Variants in NOSTRIN observed in about 807,000 individuals in gnomAD.
The protein encoded by NOSTRIN is nitric oxide synthase trafficking, also known as BM247 homolog.
NOSTRIN carries 63 observed loss-of-function variants against 59.0 expected under a neutral mutation model. That is an observed-to-expected ratio of 1.07 (90% confidence interval 0.87 to 1.32). The LOEUF is 1.32. NOSTRIN is among the 40% of genes most tolerant of loss of function. NOSTRIN has a pLI of 0.00. For synonymous variants in NOSTRIN, 200 were observed against 165.4 expected, an observed-to-expected ratio of 1.21 and a Z score of -1.61; for missense variants, 512 against 473.1, an observed-to-expected ratio of 1.08 and a Z score of -0.76.
chr2:168,802,451 A>G (rs1229158804), upstream of NOSTRIN: 1 of 564,168 alleles, frequency 1.8e-6, no homozygotes, highest in Non-Finnish European at 3.3e-6. Context: ...GTCTTGACCC[A>G]GAGCAGTTCT....
upstream of NOSTRIN, among the ~76,000 whole-genome samples, chr2:168,794,413 A>G (rs1441892951): frequency 2.7e-5 from 4 of 147,308 alleles, no homozygotes; most frequent in South Asian, 2.1e-4. Flanking sequence ...GTGCAGTGGC[A>G]CGATCTCAGC....
intron 5 of NOSTRIN, among the ~76,000 whole-genome samples, chr2:168,830,881 C>T (rs544356946): frequency 1.3e-5 from 2 of 152,238 alleles, no homozygotes; most frequent in East Asian, 3.9e-4. Context: ...CATGCAAGGG[C>T]CTGTTACACA....
chr2:168,860,574 G>T (rs1221023969), intron 13 of NOSTRIN, among the ~76,000 whole-genome samples: 1 of 152,100 alleles, frequency 6.6e-6, no homozygotes, highest in African/African-American at 2.4e-5. Flanking sequence ...GGGAGGCTGA[G>T]GCAGGAGAAT....
Position 168,843,117 on chromosome 2 carries a change from G to A in NOSTRIN, c.630G>A (p.Gln210=), listed in dbSNP as rs548832779. Residue 210 remains glutamine, a splice_region_variant and synonymous_variant, in exon 8 of 16, where the codon CAG becomes CAA. Coordinates refer to ENST00000317647, the MANE Select transcript of NOSTRIN (RefSeq NM_001039724.4). ...KWENTLENCY[Q]SILELEKERI... The stretch of plus-strand genomic sequence containing the variant: ...AAAACACACTAGAGAACTGCTACCA[G>A]GTAAGTTATATATTCACATTTTTTT... 18 of 868,606 alleles carry A rather than the reference G, an allele frequency of 2.1e-5. No individual in the cohort carries two copies. In the South Asian group the frequency reaches 2.2e-4, roughly 11 times the overall value. 53.8% of individuals were successfully genotyped at this position (868,606 alleles called of 1,614,324 possible).
intron 8 of NOSTRIN, among the ~76,000 whole-genome samples, chr2:168,844,528 A>T (rs894540954): frequency 1.3e-5 from 2 of 152,166 alleles, no homozygotes; most frequent in African/African-American, 2.4e-5. Context: ...TTTTGTATTA[A>T]TCATGACATT....
At chr2:168,789,461 C>T (rs111935346) in intron 2 of NOSTRIN, among the ~76,000 whole-genome samples, 8 of 152,178 alleles carry the variant, frequency 5.3e-5, no homozygotes, top group African/African-American at 1.9e-4. Context: ...GAGACTTATT[C>T]ACTGTCATGA....
At chr2:168,849,782 T>C (rs1688643801) in intron 8 of NOSTRIN, among the ~76,000 whole-genome samples, 1 of 151,704 alleles carries the variant, frequency 6.6e-6, no homozygotes, top group Non-Finnish European at 1.5e-5. Flanking sequence ...TGCCCCCACA[T>C]GGCCTTGGAG....
chr2:168,842,465 T>C (rs1243040519), intron 7 of NOSTRIN, among the ~76,000 whole-genome samples: 1 of 152,222 alleles, frequency 6.6e-6, no homozygotes, highest in African/African-American at 2.4e-5. Flanking sequence ...GGAAGTTTGA[T>C]TCCAAAGCTC....
At chr2:168,794,462 C>T (rs1273527697), upstream of NOSTRIN, among the ~76,000 whole-genome samples, 5 of 151,954 alleles carry the variant, frequency 3.3e-5, no homozygotes, top group African/African-American at 1.2e-4. Context: ...CACCATTCTC[C>T]TGCCTCAGCC....
At chr2:168,805,153 A>C (rs1448972472) in intron 1 of NOSTRIN, among the ~76,000 whole-genome samples, 1 of 152,218 alleles carries the variant, frequency 6.6e-6, no homozygotes, top group East Asian at 1.9e-4. Context: ...GAAAAAATTT[A>C]AAAATCTCTT....
chr2:168,862,584 C>A (rs1370543287), intron 15 of NOSTRIN, among the ~76,000 whole-genome samples: 2 of 152,184 alleles, frequency 1.3e-5, no homozygotes, highest in African/African-American at 4.8e-5. Context: ...CAGCTGACTC[C>A]CAGCTTAGTG....
chr2:168,839,662 C>G (rs1687944523), intron 7 of NOSTRIN, among the ~76,000 whole-genome samples: 2 of 151,788 alleles, frequency 1.3e-5, no homozygotes, highest in South Asian at 4.2e-4. Context: ...GCCTATAATC[C>G]CAGCACTTCG....
At chr2:168,825,876 C>T (rs776736950) in intron 3 of NOSTRIN, among the ~76,000 whole-genome samples, 19 of 152,154 alleles carry the variant, frequency 1.2e-4, no homozygotes, top group Non-Finnish European at 1.8e-4. Context: ...TAGGCATCAG[C>T]CATAATAACA....
rs998914865 is a variant in NOSTRIN, at chr2:168,856,765, C to T, written c.1040C>T (p.Ala347Val). The T allele has an allele frequency of 2.5e-6, 4 of 1,613,848 alleles. No individual in the cohort carries two copies. Among genetic ancestry groups the T allele is most frequent in the African/African-American group, 2.7e-5 (2 of 74,886 alleles). ...GCAAAGAGCCAGAAAGACACAGCAG[C>T]GTTAATGGATGAGGTAAATGTTTGC... ...SDAKSQKDTA[A>V]LMDENNLKLD... Residue 347 changes from alanine (A) to valine (V), a missense_variant, in exon 12 of 16, where the codon GCG (alanine) becomes GTG (valine). Transcript: ENST00000317647.
chr2:168,850,972 G>C, intron 8 of NOSTRIN, 112 bp from the exon 9 acceptor site: 2 of 842,954 alleles, frequency 2.4e-6, no homozygotes, highest in Non-Finnish European at 4.0e-6. Flanking sequence ...ATAGTCAAGA[G>C]GCTAATCATG....
At chr2:168,809,060 G>A (rs1686009901) in intron 1 of NOSTRIN, among the ~76,000 whole-genome samples, 1 of 152,140 alleles carries the variant, frequency 6.6e-6, no homozygotes, top group Admixed American at 6.5e-5. Flanking sequence ...GACCCTGTAT[G>A]AGTTAGAACT....
At chr2:168,792,655 T>G (rs1489731174) in intron 2 of NOSTRIN, among the ~76,000 whole-genome samples, 1 of 152,044 alleles carries the variant, frequency 6.6e-6, no homozygotes. Context: ...GTTTTTTGTA[T>G]TTTTAGTAGA....
At chr2:168,802,049 G>T (rs530940078), upstream of NOSTRIN, among the ~76,000 whole-genome samples, 1 of 152,104 alleles carries the variant, frequency 6.6e-6, no homozygotes, top group Non-Finnish European at 1.5e-5. Flanking sequence ...TGGGATTTAG[G>T]GGGTGGGGGA....
chr2:168,847,624 T>C (rs1438953689), intron 8 of NOSTRIN, among the ~76,000 whole-genome samples: 2 of 152,246 alleles, frequency 1.3e-5, no homozygotes, highest in Admixed American at 1.3e-4. Flanking sequence ...ATTGTCATGA[T>C]GCTTGGGCCC....
Sources: gnomAD v4.1 joint callset for allele counts (sites outside exome capture counted in the v4.1 genomes callset) on GRCh38, gnomAD v4.1.1 for gene constraint, MANE v1.5 for transcripts, NCBI Gene and HGNC (gene_info 2026-07-23, HGNC 2026-07-21) for gene names.